EFCAB8: variants seen among roughly 807,000 people sequenced by gnomAD.
The protein encoded by EFCAB8 is EF-hand calcium binding domain 8.
In EFCAB8, 100 loss-of-function variants were observed where a neutral mutation model predicts 116.3. The observed-to-expected ratio is 0.86, with a 90% CI of 0.73 to 1.02. EFCAB8 has a LOEUF of 1.02. Among genes scored for constraint, EFCAB8 ranks in the 50% least tolerant of loss-of-function variants. EFCAB8 has a pLI of 0.00. For missense variants in EFCAB8, 1,320 were observed against 1,416.9 expected, an observed-to-expected ratio of 0.93 and a Z score of 1.10; for synonymous variants, 558 against 567.9, an observed-to-expected ratio of 0.98 and a Z score of 0.25.
At chr20:32,890,241 GTGCTGTGGCC>G (rs143223531) in intron 7 of EFCAB8, among the ~76,000 whole-genome samples, 4,204 of 152,162 alleles carry the variant, frequency 0.028, 71 homozygotes, top group South Asian at 0.054. Context: ...CCTCTGGTAG[GTGCTGTGGCC>G]TGGGTCTCTG....
At chr20:32,933,706 CA>C (rs1188143165) in intron 22 of EFCAB8, among the ~76,000 whole-genome samples, 1 of 152,170 alleles carries the variant, frequency 6.6e-6, no homozygotes, top group Non-Finnish European at 1.5e-5. Context: ...TGGCCGGGCT[CA>C]GTGGCTCAAG....
intron 23 of EFCAB8, among the ~76,000 whole-genome samples, chr20:32,947,135 G>A (rs1210755199): frequency 6.6e-6 from 1 of 152,194 alleles, no homozygotes; most frequent in Admixed American, 6.5e-5. Flanking sequence ...GAAGCAGAAT[G>A]GCTGGGTTGT....
At position 32,958,411 on chromosome 20, in the gene EFCAB8, C is replaced by A; in HGVS notation, c.2960-10C>A. ...CAGTTGTGGTTCTGAGCAGTCTGGT[C>A]AAATCACAGGAACGTTTGGCCTGAG... On this transcript the variant is annotated splice_polypyrimidine_tract_variant and intron_variant, in intron 23 of 26. Coordinates refer to ENST00000400522, the MANE Select transcript of EFCAB8 (RefSeq NM_001143967.2). 4.8e-6 allele frequency: 2 copies of A among 416,654 alleles called. No individual in the cohort carries two copies. Among genetic ancestry groups the A allele is most frequent in the South Asian group, 2.5e-4 (2 of 7,878 alleles). The allele number at this position is 416,654 out of a possible 1,614,324, so 25.8% of individuals were successfully genotyped here. A position where few individuals can be genotyped will look rare whatever the true frequency, so the allele number is the denominator to read the frequency against.
chr20:32,945,221 C>T (rs1470464525), intron 23 of EFCAB8, among the ~76,000 whole-genome samples: 1 of 152,144 alleles, frequency 6.6e-6, no homozygotes, highest in Non-Finnish European at 1.5e-5. Context: ...TGCAGTGGCA[C>T]GAATTCAGCT....
intron 20 of EFCAB8, among the ~76,000 whole-genome samples, chr20:32,928,727 C>T (rs1987770042): frequency 6.6e-6 from 1 of 152,116 alleles, no homozygotes; most frequent in Non-Finnish European, 1.5e-5. Flanking sequence ...ATCCCTCTGG[C>T]AGAACTTCCA....
At chr20:32,921,983 C>A (rs542295663) in intron 20 of EFCAB8, among the ~76,000 whole-genome samples, 7 of 152,162 alleles carry the variant, frequency 4.6e-5, no homozygotes, top group Admixed American at 2.6e-4. Flanking sequence ...GCATGTGCCA[C>A]CATGCCCAGC....
At chr20:32,960,776 C>A (rs748554681) in intron 26 of EFCAB8, among the ~76,000 whole-genome samples, 1 of 152,214 alleles carries the variant, frequency 6.6e-6, no homozygotes, top group Non-Finnish European at 1.5e-5. Context: ...CCCCCTGTCT[C>A]GGGCTGGGGA....
At chr20:32,937,639 G>A (rs530859295) in intron 22 of EFCAB8, among the ~76,000 whole-genome samples, 1 of 151,816 alleles carries the variant, frequency 6.6e-6, no homozygotes, top group South Asian at 2.1e-4. Context: ...TTTTTGTTGA[G>A]ACAGAGTCTC....
At chr20:32,899,084 C>T (rs1986300410) in intron 11 of EFCAB8, among the ~76,000 whole-genome samples, 1 of 152,080 alleles carries the variant, frequency 6.6e-6, no homozygotes, top group African/African-American at 2.4e-5. Context: ...TTTTTCTTTT[C>T]TTTTGAAAAA....
intron 5 of EFCAB8, among the ~76,000 whole-genome samples, chr20:32,883,816 G>C (rs1254950857): frequency 6.6e-6 from 1 of 152,022 alleles, no homozygotes; most frequent in Non-Finnish European, 1.5e-5. Context: ...TCAGCCTCCT[G>C]AGTAGCTGGG....
intron 23 of EFCAB8, among the ~76,000 whole-genome samples, chr20:32,952,837 C>T (rs1392752510): frequency 6.6e-6 from 1 of 152,162 alleles, no homozygotes. Flanking sequence ...AAATATATAG[C>T]ATAAAACTTA....
intron 4 of EFCAB8, among the ~76,000 whole-genome samples, chr20:32,878,006 G>A (rs1327737726): frequency 1.3e-5 from 2 of 152,254 alleles, no homozygotes; most frequent in African/African-American, 2.4e-5. Context: ...CTGTCCAAGC[G>A]CAGTGGCTCA....
intron 11 of EFCAB8, among the ~76,000 whole-genome samples, chr20:32,899,996 C>G (rs1986354611): frequency 6.6e-6 from 1 of 152,138 alleles, no homozygotes; most frequent in African/African-American, 2.4e-5. Flanking sequence ...TCCTCCGGCC[C>G]CTAGTCTTTA....
intron 9 of EFCAB8, among the ~76,000 whole-genome samples, chr20:32,894,602 A>G (rs1468574847): frequency 6.6e-6 from 1 of 152,196 alleles, no homozygotes; most frequent in Non-Finnish European, 1.5e-5. Flanking sequence ...GGCCCAGTGT[A>G]TGGACTTGGG....
chr20:32,940,152 TCA>T (rs1307988616), intron 22 of EFCAB8, among the ~76,000 whole-genome samples: 2 of 147,512 alleles, frequency 1.4e-5, no homozygotes, highest in Non-Finnish European at 3.0e-5. Context: ...GTTGAAGGAC[TCA>T]CAATTCCCAA....
intron 10 of EFCAB8, among the ~76,000 whole-genome samples, chr20:32,897,051 G>A (rs967467525): frequency 5.3e-5 from 8 of 152,214 alleles, no homozygotes; most frequent in Non-Finnish European, 1.0e-4. Flanking sequence ...TCCCTGAATG[G>A]GCTCAGCCCC....
chr20:32,867,432 T>C (rs1036037269), intron 2 of EFCAB8, 150 bp from the exon 3 acceptor site: 2 of 870,356 alleles, frequency 2.3e-6, no homozygotes, highest in Admixed American at 3.0e-5. Flanking sequence ...GGTGTAAAAA[T>C]GGTTAAGAAT....
At chr20:32,883,495 A>G (rs73114195) in intron 5 of EFCAB8, among the ~76,000 whole-genome samples, 1,687 of 152,282 alleles carry the variant, frequency 0.011, 17 homozygotes, top group Non-Finnish European at 0.017. Flanking sequence ...TGTCCAGTTC[A>G]TATAGCTTGA....
intron 9 of EFCAB8, among the ~76,000 whole-genome samples, chr20:32,895,088 C>T (rs1012526729): frequency 6.6e-6 from 1 of 152,186 alleles, no homozygotes; most frequent in Non-Finnish European, 1.5e-5. Flanking sequence ...CCTAGACTGC[C>T]CCAGCATTTG....
Sources: allele counts gnomAD v4.1 joint callset (sites outside exome capture counted in the v4.1 genomes callset), GRCh38; gene constraint gnomAD v4.1.1; transcripts MANE v1.5; gene names NCBI Gene and HGNC (gene_info 2026-07-23, HGNC 2026-07-21).